Variants in MREG observed in about 807,000 individuals in gnomAD.
The protein encoded by MREG is dilute suppressor protein homolog.
In MREG, 31 loss-of-function variants were observed where a neutral mutation model predicts 28.5. The observed-to-expected ratio is 1.09, with a 90% CI of 0.82 to 1.47. The LOEUF is 1.47. Ranked by LOEUF, MREG falls within the 40% of genes most tolerant of loss-of-function variation. The pLI is 0.00. For synonymous variants in MREG, 106 were observed against 95.2 expected (o/e 1.11, Z -0.66); for missense variants, 256 against 257.4 (o/e 0.99, Z 0.04).
chr2:215,943,634 G>C lies in MREG; in HGVS notation c.*1229C>G, dbSNP rs928408666. ...GGGCAGGCGGATGACGAGGTCAGGA[G>C]ATCGAGACCATCGTGGCTAACATGG... On this transcript the variant is annotated 3_prime_UTR_variant, in exon 5 of 5. Transcript: ENST00000263268. 2 of 377,506 alleles carry C rather than the reference G, an allele frequency of 5.3e-6. No homozygotes were observed. The highest frequency in any genetic ancestry group is 2.0e-5 in the South Asian group (1 of 50,502). The allele number at this position is 377,506 out of a possible 1,614,324, so 23.4% of individuals were successfully genotyped here.
At chr2:215,975,026 A>ATATATATATATATATATATATATATATG (rs1268461887) in intron 2 of MREG, among the ~76,000 whole-genome samples, 30 of 145,688 alleles carry the variant, frequency 2.1e-4, no homozygotes, top group African/African-American at 7.5e-4. Flanking sequence ...ATATATATAT[A>ATATATATATATATATATATATATATATG]TGAAATAATA....
chr2:216,011,316 A>G (rs1281927219), intron 1 of MREG, among the ~76,000 whole-genome samples: 1 of 152,190 alleles, frequency 6.6e-6, no homozygotes, highest in Non-Finnish European at 1.5e-5. Context: ...AAATATTGTT[A>G]TATGGAAATG....
intron 2 of MREG, among the ~76,000 whole-genome samples, chr2:215,958,400 G>A (rs139433814): frequency 4.5e-4 from 68 of 152,294 alleles, no homozygotes; most frequent in African/African-American, 1.5e-3. Flanking sequence ...TCCTCCCAGA[G>A]TTAATTAGCT....
upstream of MREG, among the ~76,000 whole-genome samples, chr2:216,018,171 A>C (rs888723957): frequency 6.6e-6 from 1 of 152,128 alleles, no homozygotes; most frequent in African/African-American, 2.4e-5. Flanking sequence ...TCAAAAAAAA[A>C]ATTAAGCTCC....
At chr2:215,981,624 G>A (rs1052779928) in intron 2 of MREG, among the ~76,000 whole-genome samples, 1 of 152,104 alleles carries the variant, frequency 6.6e-6, no homozygotes, top group Non-Finnish European at 1.5e-5. Flanking sequence ...CCACTTAACT[G>A]AAAAATGATT....
chr2:215,957,933 A>G (rs1218747764), intron 2 of MREG, among the ~76,000 whole-genome samples: 2 of 152,180 alleles, frequency 1.3e-5, no homozygotes, highest in African/African-American at 4.8e-5. Flanking sequence ...GCCATAAAAA[A>G]TGATGAGCTC....
intron 2 of MREG, among the ~76,000 whole-genome samples, chr2:215,974,800 A>C (rs1693197761): frequency 6.8e-6 from 1 of 147,312 alleles, no homozygotes. Context: ...TCCAGTTCCT[A>C]AACACAGACA....
At chr2:215,958,268 A>G (rs1230008640) in intron 2 of MREG, among the ~76,000 whole-genome samples, 3 of 149,830 alleles carry the variant, frequency 2.0e-5, no homozygotes, top group Non-Finnish European at 3.0e-5. Flanking sequence ...ATAATAAAAT[A>G]AAAATAAATA....
rs543862442 is a variant in MREG at position 215,957,616 on chromosome 2, G to A, written c.256-10503C>T. Reference sequence around the variant, plus strand: ...GAGCTGTGCTTGTCTGCAGCAGGGAGGGCTGTGAGACTCCCTGATACTTTT... The same window carrying A: ...GAGCTGTGCTTGTCTGCAGCAGGGAAGGCTGTGAGACTCCCTGATACTTTT... On this transcript the variant is annotated intron_variant, in intron 2 of 4. Coordinates refer to ENST00000263268, the MANE Select transcript of MREG (RefSeq NM_018000.3). Among the ~76,000 whole-genome samples the A allele has an allele frequency of 1.6e-4, 24 of 152,260 alleles. No individual in the cohort carries two copies. In the South Asian group the frequency reaches 5.0e-3, roughly 32 times the overall value.
intron 2 of MREG, among the ~76,000 whole-genome samples, chr2:215,949,546 G>A (rs1174252073): frequency 1.3e-5 from 2 of 149,348 alleles, no homozygotes; most frequent in African/African-American, 5.0e-5. Context: ...GGGCAACAGA[G>A]CAAGACTCTG....
intron 1 of MREG, among the ~76,000 whole-genome samples, chr2:216,025,773 G>C (rs964257769): frequency 6.6e-6 from 1 of 152,232 alleles, no homozygotes; most frequent in African/African-American, 2.4e-5. Context: ...GGAGGATCTA[G>C]AGCCCGTGAA....
upstream of MREG, among the ~76,000 whole-genome samples, chr2:216,033,235 T>A (rs866459709): frequency 4.6e-5 from 7 of 152,274 alleles, no homozygotes; most frequent in Admixed American, 6.5e-5. Flanking sequence ...CTTCCTCCAT[T>A]TTTTTAAGTT....
At chr2:215,974,358 G>T (rs1244395347) in intron 2 of MREG, among the ~76,000 whole-genome samples, 1 of 152,084 alleles carries the variant, frequency 6.6e-6, no homozygotes, top group East Asian at 1.9e-4. Context: ...ATCAGAACTG[G>T]GCAGGTGCTC....
At position 215,970,481 on chromosome 2, in the gene MREG, CAG is replaced by C. The variant is rs565671022; in HGVS notation, c.256-23370_256-23369del. Among the ~76,000 whole-genome samples the C allele has an allele frequency of 2.6e-4, 39 of 152,342 alleles. No homozygotes were observed. In the South Asian group the frequency reaches 7.9e-3, roughly 31 times the overall value. Reference sequence around the variant, plus strand: ...GAATTCACAAGATGAATCAAATAAACAGAGCCATCCATGAAATATGAGTTTTT... The same window carrying C: ...GAATTCACAAGATGAATCAAATAAACAGCCATCCATGAAATATGAGTTTTT... On this transcript the variant is annotated intron_variant, in intron 2 of 4. Coordinates refer to ENST00000263268, the MANE Select transcript of MREG (RefSeq NM_018000.3).
intron 1 of MREG, among the ~76,000 whole-genome samples, chr2:216,012,348 G>C (rs1303700750): frequency 2.0e-5 from 3 of 152,148 alleles, no homozygotes; most frequent in African/African-American, 7.2e-5. Flanking sequence ...GTTTGGACTT[G>C]ATAGAGTAAG....
At chr2:216,004,563 AC>A (rs1396573815) in intron 1 of MREG, among the ~76,000 whole-genome samples, 1 of 108,510 alleles carries the variant, frequency 9.2e-6, no homozygotes, top group Non-Finnish European at 1.8e-5. Context: ...AAAAAAACAA[AC>A]AAAAAAAAAA....
At chr2:215,958,269 A>AAAAT (rs536690921) in intron 2 of MREG, among the ~76,000 whole-genome samples, 6,978 of 150,264 alleles carry the variant, frequency 0.046, 272 homozygotes, top group African/African-American at 0.096. Flanking sequence ...TAATAAAATA[A>AAAAT]AAATAAATAA....
chr2:215,996,362 C>CT lies in MREG; in HGVS notation c.198_199insA (p.Asp67ArgfsTer12), dbSNP rs1301816279. 6.2e-7 allele frequency: 1 copy of CT among 1,613,864 alleles called. No homozygotes were observed. Among genetic ancestry groups the CT allele is most frequent in the Non-Finnish European group, 8.5e-7 (1 of 1,179,888 alleles). ...ACTATCAAATTGTACAGGGTTCTGT[C>CT]GTCGTCTGCCTCTGTGTGGGACACA... On this transcript the variant is annotated frameshift_variant, in exon 2 of 5. Coordinates refer to ENST00000263268, the MANE Select transcript of MREG (RefSeq NM_018000.3). LOFTEE classifies it high-confidence loss of function.
intron 1 of MREG, among the ~76,000 whole-genome samples, chr2:216,030,281 T>C (rs895026516): frequency 6.6e-6 from 1 of 152,202 alleles, no homozygotes; most frequent in Non-Finnish European, 1.5e-5. Flanking sequence ...GGTGCTGGTC[T>C]GTCTCTCTCA....
Sources: gnomAD v4.1 joint callset for allele counts (sites outside exome capture counted in the v4.1 genomes callset) on GRCh38, gnomAD v4.1.1 for gene constraint, MANE v1.5 for transcripts, NCBI Gene and HGNC (gene_info 2026-07-23, HGNC 2026-07-21) for gene names.